Variants in CLTC observed in about 807,000 individuals in gnomAD.
CLTC encodes the protein clathrin heavy chain.
CLTC carries 16 observed loss-of-function variants against 195.8 expected under a neutral mutation model. That is an observed-to-expected ratio of 0.08 (90% CI 0.06 to 0.12). The LOEUF (loss-of-function observed/expected upper bound fraction) is 0.12, where lower values mean the gene tolerates loss of function less well. Ranked by LOEUF, CLTC falls within the 10% of genes least tolerant of loss-of-function variation. The pLI is 1.00. For missense variants in CLTC, 796 were observed against 2,027.0 expected, an observed-to-expected ratio of 0.39 and a Z score of 11.66; for synonymous variants, 667 against 689.4, an observed-to-expected ratio of 0.97 and a Z score of 0.51.
chr17:59,663,484 A>T (rs2032656191), intron 8 of CLTC, among the ~76,000 whole-genome samples: 1 of 152,196 alleles, frequency 6.6e-6, no homozygotes, highest in Non-Finnish European at 1.5e-5. Flanking sequence ...TTTTTGAAAA[A>T]TTGGGGCCAT....
At chr17:59,661,419 G>A (rs775362318) in intron 7 of CLTC, 24 bp from the exon 8 acceptor site, 22 of 1,593,006 alleles carry the variant, frequency 1.4e-5, no homozygotes, top group Admixed American at 1.2e-4. Context: ...TTCGAAGAGC[G>A]TTTAACATTT....
chr17:59,666,120 G>T lies in CLTC; in HGVS notation c.1662G>T (p.Met554Ile). The T allele has an allele frequency of 6.2e-7, 1 of 1,606,346 alleles. No homozygotes were observed. The highest frequency in any genetic ancestry group is 8.5e-7 in the Non-Finnish European group (1 of 1,173,772). ...TTTTGTAGATTGTAGATGTCTTTATGGAATACAATCTAATTCAGCAGTGTA... is the reference window on the plus strand; with the variant it reads ...TTTTGTAGATTGTAGATGTCTTTATTGAATACAATCTAATTCAGCAGTGTA... ...ADITQIVDVF[M>I]EYNLIQQCTA... is the part of the protein sequence containing the mutation. Residue 554 changes from methionine (M) to isoleucine (I), a missense_variant, in exon 11 of 32, where the codon ATG (methionine) becomes ATT (isoleucine). Transcript: ENST00000269122. The surrounding 1 kb of genome is among the most constrained non-coding windows in gnomAD (Gnocchi z 4.9).
At chr17:59,690,512 A>G (rs2033272129) in intron 30 of CLTC, 124 bp from the exon 31 acceptor site, 2 of 635,428 alleles carry the variant, frequency 3.1e-6, no homozygotes, top group African/African-American at 1.9e-5. Context: ...GGGACTGAGA[A>G]TGTTCTTTCT....
chr17:59,641,998 T>C (rs1237145803), intron 1 of CLTC, among the ~76,000 whole-genome samples: 5 of 140,838 alleles, frequency 3.6e-5, no homozygotes, highest in African/African-American at 1.1e-4. Flanking sequence ...AAATCTTTGT[T>C]GTTTTTTTTT....
chr17:59,641,260 A>G (rs2032023209), intron 1 of CLTC, among the ~76,000 whole-genome samples: 5 of 152,120 alleles, frequency 3.3e-5, no homozygotes, highest in Admixed American at 3.3e-4. Flanking sequence ...ATAACACTAC[A>G]TTCACTAGTA....
intron 14 of CLTC, 131 bp from the exon 15 acceptor site, chr17:59,673,516 T>G (rs1252360136): frequency 2.7e-5 from 18 of 655,872 alleles, no homozygotes; most frequent in Non-Finnish European, 4.6e-5. Flanking sequence ...ATTGGGACAT[T>G]CTTTCTTTAA....
chr17:59,685,428 A>G lies in CLTC; in HGVS notation c.4606-159A>G, dbSNP rs982784524. Among the ~76,000 whole-genome samples the G allele has an allele frequency of 6.6e-6, 1 of 151,874 alleles. No homozygotes were observed. The highest frequency in any genetic ancestry group is 1.5e-5 in the Non-Finnish European group (1 of 68,008). On this transcript the variant is annotated intron_variant, in intron 29 of 31. Coordinates refer to ENST00000269122, the MANE Select transcript of CLTC (RefSeq NM_004859.4). The surrounding 1 kb of genome is among the most constrained non-coding windows in gnomAD (Gnocchi z 5.0). The stretch of plus-strand genomic sequence containing the variant: ...CTGGGGAAAAAAAAGCTTTTAGCTT[A>G]TCTCTTCTTTGAAAATTTTAATTTA...
chr17:59,693,149 T>C (rs2033346770), intron 31 of CLTC, among the ~76,000 whole-genome samples: 1 of 152,086 alleles, frequency 6.6e-6, no homozygotes. Context: ...GGCTGATCAC[T>C]TGTGGCCAGG....
rs2032741655 is a variant in CLTC at position 59,666,741 on chromosome 17, C to T, written c.1948-56C>T. On this transcript the variant is annotated intron_variant, in intron 12 of 31. Coordinates refer to ENST00000269122, the MANE Select transcript of CLTC (RefSeq NM_004859.4). This position sits in a 1 kb window ranked among gnomAD's most constrained non-coding sequence, Gnocchi z 4.9. ...ACTAAATATTAATAATTTCATACCA[C>T]CATGAGGTTCAACATTATTTCATTT... 4 of 1,563,570 alleles carry T rather than the reference C, an allele frequency of 2.6e-6. No homozygotes were observed. The African/African-American group carries it at 4.1e-5, about 16-fold the overall frequency.
intron 30 of CLTC, among the ~76,000 whole-genome samples, chr17:59,688,546 G>C (rs1170552387): frequency 6.6e-6 from 1 of 152,090 alleles, no homozygotes; most frequent in East Asian, 1.9e-4. Context: ...AATTGGATCA[G>C]TGGAAACAAA....
At chr17:59,650,349 G>C (rs1008121005) in intron 4 of CLTC, among the ~76,000 whole-genome samples, 4 of 152,042 alleles carry the variant, frequency 2.6e-5, no homozygotes, top group Admixed American at 2.6e-4. Context: ...TAACAACTTA[G>C]GTTTCTATTT....
chr17:59,655,117 A>T (rs747787386), intron 5 of CLTC, among the ~76,000 whole-genome samples: 2 of 152,268 alleles, frequency 1.3e-5, no homozygotes, highest in Non-Finnish European at 2.9e-5. Context: ...CATTCAGCCT[A>T]TCTTGGCCTT....
At chr17:59,625,895 A>ATACT (rs1367813010) in intron 1 of CLTC, among the ~76,000 whole-genome samples, 4 of 152,206 alleles carry the variant, frequency 2.6e-5, no homozygotes, top group Non-Finnish European at 5.9e-5. Flanking sequence ...GGAAATGGGC[A>ATACT]TACTTATCTC....
chr17:59,641,603 C>CA (rs34208843), intron 1 of CLTC, among the ~76,000 whole-genome samples: 6,093 of 48,778 alleles, frequency 0.12, 1,052 homozygotes, highest in South Asian at 0.15. Flanking sequence ...GACTCCATCT[C>CA]AAAAAAAAAA....
chr17:59,683,380 T>C lies in CLTC; in HGVS notation c.4042-7T>C. 1 of 1,609,204 alleles carries C rather than the reference T, an allele frequency of 6.2e-7. No homozygotes were observed. The highest frequency in any genetic ancestry group is 8.5e-7 in the Non-Finnish European group (1 of 1,177,934). On this transcript the variant is annotated splice_polypyrimidine_tract_variant and splice_region_variant and intron_variant, in intron 25 of 31. Transcript: ENST00000269122. The surrounding 1 kb of genome is among the most constrained non-coding windows in gnomAD (Gnocchi z 6.1). ...ATATCTAAAGCAATTAAGTCTTTCTTATGCAGGTGCTAAGAGCTGCAGAAC... is the reference window on the plus strand; with the variant it reads ...ATATCTAAAGCAATTAAGTCTTTCTCATGCAGGTGCTAAGAGCTGCAGAAC...
intron 2 of CLTC, among the ~76,000 whole-genome samples, chr17:59,645,184 A>ATT (rs2032158028): frequency 2.6e-5 from 4 of 152,164 alleles, no homozygotes; most frequent in African/African-American, 9.7e-5. Flanking sequence ...TTTTGTTATG[A>ATT]TGATAAACTT....
chr17:59,678,387 A>T (rs959416259), intron 17 of CLTC, among the ~76,000 whole-genome samples: 1 of 152,138 alleles, frequency 6.6e-6, no homozygotes, highest in Non-Finnish European at 1.5e-5. Context: ...TCTTGCTTAA[A>T]CCATTCTTAA....
intron 1 of CLTC, among the ~76,000 whole-genome samples, chr17:59,626,505 G>A (rs555755111): frequency 2.0e-5 from 3 of 152,152 alleles, no homozygotes; most frequent in Non-Finnish European, 2.9e-5. Flanking sequence ...CCGGTCAGGC[G>A]ATTGTTAGAG....
In CLTC at chr17:59,660,440, A is replaced by G. The variant is rs750086173; in HGVS notation, c.1019A>G (p.Asn340Ser). ...GAAAACATAATTCCTTACATCACCA[A>G]TGTTCTACAAAATCCTGATTTGGCT... ...EEENIIPYIT[N>S]VLQNPDLALR... The change falls in exon 7 of 32, where the codon AAT becomes AGT. Residue 340 changes from asparagine to serine, a missense_variant. By Grantham distance (46) the Asn-to-Ser change is conservative. Around this residue, in one of 9 missense-constraint regions of CLTC, gnomAD observed 293 missense variants for 795.6 expected, o/e 0.37. Coordinates refer to ENST00000269122, the MANE Select transcript of CLTC (RefSeq NM_004859.4). 1.5e-5 allele frequency: 24 copies of G among 1,614,012 alleles called. No homozygotes were observed. Among genetic ancestry groups the G allele is most frequent in the Middle Eastern group, 1.6e-4 (1 of 6,084 alleles).
Sources: allele counts gnomAD v4.1 joint callset (sites outside exome capture counted in the v4.1 genomes callset), GRCh38; gene constraint gnomAD v4.1.1; regional missense constraint gnomAD v4.1.1; non-coding constraint Gnocchi (gnomAD v3.1); transcripts MANE v1.5; gene names NCBI Gene and HGNC (gene_info 2026-07-23, HGNC 2026-07-21).